FNDC3B: variants seen among roughly 807,000 people sequenced by gnomAD.
The protein encoded by FNDC3B is fibronectin type III domain-containing protein 3B.
A neutral mutation model predicts 151.5 loss-of-function variants in FNDC3B; 12 were observed. The ratio of observed to expected loss-of-function variants is 0.08; its 90% CI spans 0.05 to 0.13. The LOEUF (loss-of-function observed/expected upper bound fraction) is 0.13. Ranked by LOEUF, FNDC3B falls within the 10% of genes least tolerant of loss-of-function variation. The pLI is 1.00. For missense variants in FNDC3B, 1,214 were observed against 1,505.3 expected (o/e 0.81, Z 3.20); for synonymous variants, 528 against 549.0 (o/e 0.96, Z 0.54).
intron 1 of FNDC3B, among the ~76,000 whole-genome samples, chr3:172,052,482 G>T (rs897475809): frequency 1.3e-5 from 2 of 152,206 alleles, no homozygotes; most frequent in African/African-American, 4.8e-5. Context: ...CCAGCTGAAA[G>T]AGTTGATTCT....
chr3:172,362,701 G>A lies in FNDC3B; in HGVS notation c.2864G>A (p.Arg955Gln), dbSNP rs755265632. 8.7e-6 allele frequency: 14 copies of A among 1,613,764 alleles called. No homozygotes were observed. Among genetic ancestry groups the A allele is most frequent in the Admixed American group, 1.7e-5 (1 of 59,970 alleles). The change falls in exon 23 of 26, where the codon CGG (arginine) becomes CAG (glutamine). Residue 955 changes from arginine (R) to glutamine (Q), a missense_variant. Arg to Gln is a conservative substitution (Grantham distance 43). This residue lies in a region of FNDC3B where 284 missense variants were observed against 392.4 expected (regional missense o/e 0.72). Coordinates refer to ENST00000415807, the MANE Select transcript of FNDC3B (RefSeq NM_022763.4). ...AGTCAGTTCATTAAAGCAAAAACTC[G>A]GCCATTACCACCCTTGCCTCCTAGG... ...PFSQFIKAKT[R>Q]PLPPLPPRLE...
chr3:172,215,300 G>A (rs1725918908), intron 3 of FNDC3B, among the ~76,000 whole-genome samples: 1 of 152,266 alleles, frequency 6.6e-6, no homozygotes, highest in Admixed American at 6.5e-5. Flanking sequence ...GGGCCTTGTG[G>A]CCAGGCAAAT....
At chr3:172,311,269 T>C (rs895987924) in intron 11 of FNDC3B, among the ~76,000 whole-genome samples, 4 of 152,226 alleles carry the variant, frequency 2.6e-5, no homozygotes, top group African/African-American at 9.6e-5. Context: ...TTGCTTTTCC[T>C]TTTTGAATGC....
At chr3:172,089,674 A>G (rs1718711144) in intron 1 of FNDC3B, among the ~76,000 whole-genome samples, 2 of 152,182 alleles carry the variant, frequency 1.3e-5, no homozygotes, top group African/African-American at 4.8e-5. Flanking sequence ...TTGGAACATT[A>G]AAAAAATCAA....
At chr3:172,145,811 CTTTT>C (rs34361134) in intron 3 of FNDC3B, among the ~76,000 whole-genome samples, 1 of 114,124 alleles carries the variant, frequency 8.8e-6, no homozygotes. Flanking sequence ...AGGTTTCTTT[CTTTT>C]TTTTTTTTTT....
intron 1 of FNDC3B, among the ~76,000 whole-genome samples, chr3:172,057,059 G>A (rs1560386144): frequency 1.3e-5 from 2 of 152,198 alleles, no homozygotes; most frequent in Non-Finnish European, 2.9e-5. Flanking sequence ...TTAAAGAGAG[G>A]TTGTCCCTTT....
chr3:172,218,785 C>T (rs1381935861), intron 3 of FNDC3B, among the ~76,000 whole-genome samples: 1 of 152,202 alleles, frequency 6.6e-6, no homozygotes, highest in African/African-American at 2.4e-5. Context: ...TCTTTAGCGC[C>T]TTCCTGCCCT....
At chr3:172,186,560 G>T (rs1724196046) in intron 3 of FNDC3B, among the ~76,000 whole-genome samples, 1 of 151,948 alleles carries the variant, frequency 6.6e-6, no homozygotes, top group Admixed American at 6.6e-5. Context: ...CCAAATTCCT[G>T]GTTTCTAGTG....
At chr3:172,064,452 G>A (rs998226200) in intron 1 of FNDC3B, among the ~76,000 whole-genome samples, 2 of 152,178 alleles carry the variant, frequency 1.3e-5, no homozygotes, top group African/African-American at 4.8e-5. Flanking sequence ...TTAGTGGCCA[G>A]CTACTGTTTA....
chr3:172,061,165 G>A (rs1273584900), intron 1 of FNDC3B, among the ~76,000 whole-genome samples: 1 of 151,678 alleles, frequency 6.6e-6, no homozygotes, highest in Non-Finnish European at 1.5e-5. Flanking sequence ...TATGAATAAT[G>A]GATGCTTATT....
At chr3:172,260,443 T>C (rs947929399) in intron 6 of FNDC3B, among the ~76,000 whole-genome samples, 1 of 152,226 alleles carries the variant, frequency 6.6e-6, no homozygotes, top group African/African-American at 2.4e-5. Flanking sequence ...ATGTAGAAAA[T>C]AGGGGTAATT....
At chr3:172,075,481 C>T (rs974421783) in intron 1 of FNDC3B, among the ~76,000 whole-genome samples, 6 of 152,244 alleles carry the variant, frequency 3.9e-5, no homozygotes, top group Non-Finnish European at 5.9e-5. Context: ...ATCCCCTACA[C>T]GTCAACAACA....
chr3:172,316,205 T>G (rs916519330), intron 11 of FNDC3B, among the ~76,000 whole-genome samples: 4 of 151,838 alleles, frequency 2.6e-5, no homozygotes, highest in Admixed American at 1.3e-4. Flanking sequence ...TTCACCATGT[T>G]GGCCAGGATG....
intron 1 of FNDC3B, among the ~76,000 whole-genome samples, chr3:172,049,814 A>G (rs1716555023): frequency 6.6e-6 from 1 of 152,234 alleles, no homozygotes; most frequent in Non-Finnish European, 1.5e-5. Context: ...GGCATGAGCC[A>G]CCGTGCCTGG....
intron 2 of FNDC3B, among the ~76,000 whole-genome samples, chr3:172,119,359 G>A (rs1031789868): frequency 1.2e-4 from 17 of 144,160 alleles, no homozygotes; most frequent in African/African-American, 4.2e-4. Flanking sequence ...GAGCAGTCTA[G>A]TTGAGGAGCA....
At chr3:172,333,996 A>G (rs987453459) in intron 14 of FNDC3B, among the ~76,000 whole-genome samples, 2 of 152,104 alleles carry the variant, frequency 1.3e-5, no homozygotes, top group Non-Finnish European at 2.9e-5. Context: ...TACGATCACT[A>G]AGAGATCAAA....
At chr3:172,253,979 C>A (rs976835486) in intron 6 of FNDC3B, among the ~76,000 whole-genome samples, 1 of 152,150 alleles carries the variant, frequency 6.6e-6, no homozygotes, top group African/African-American at 2.4e-5. Context: ...GGGGTTTTGC[C>A]ATGTTGGCCA....
chr3:172,259,649 C>CA (rs1331817258), intron 6 of FNDC3B, among the ~76,000 whole-genome samples: 9 of 152,124 alleles, frequency 5.9e-5, no homozygotes, highest in Admixed American at 5.9e-4. Context: ...AGTGCAAAGG[C>CA]AAATTTACAG....
intron 2 of FNDC3B, among the ~76,000 whole-genome samples, chr3:172,132,765 TC>T (rs1037438497): frequency 2.0e-5 from 3 of 152,190 alleles, no homozygotes; most frequent in African/African-American, 7.2e-5. Flanking sequence ...GTGATTTTTT[TC>T]CTTTGATTAT....
Sources: gnomAD v4.1 joint callset for allele counts (sites outside exome capture counted in the v4.1 genomes callset) on GRCh38, gnomAD v4.1.1 for gene constraint, gnomAD v4.1.1 regional missense constraint, MANE v1.5 for transcripts, NCBI Gene and HGNC (gene_info 2026-07-23, HGNC 2026-07-21) for gene names.